AKAP19: variants seen among roughly 807,000 people sequenced by gnomAD.
The protein encoded by AKAP19 is A-kinase anchoring protein 19, also known as small A-kinase anchoring protein.
chr2:190,133,145 G>A, the AKAP19 span, among the ~76,000 whole-genome samples: 1 of 149,160 alleles, frequency 6.7e-6, no homozygotes, highest in Non-Finnish European at 1.5e-5. Context: ...TGCTGAGGCA[G>A]GAGAATAGCG....
the AKAP19 span, among the ~76,000 whole-genome samples, chr2:190,140,372 G>T: frequency 1.2e-4 from 18 of 152,274 alleles, no homozygotes; most frequent in African/African-American, 3.9e-4. Context: ...CAGTGTGGGG[G>T]CTCCCACACC....
At chr2:190,140,871 C>T in the AKAP19 span, among the ~76,000 whole-genome samples, 1 of 152,260 alleles carries the variant, frequency 6.6e-6, no homozygotes, top group African/African-American at 2.4e-5. Flanking sequence ...ATCACATTGT[C>T]AGGCTGCAAA....
At chr2:189,902,317 G>GT in the AKAP19 span, among the ~76,000 whole-genome samples, 9 of 151,280 alleles carry the variant, frequency 5.9e-5, no homozygotes, top group East Asian at 5.8e-4. Context: ...TCTCTTCTTT[G>GT]TTTTTTTGTT....
the AKAP19 span, among the ~76,000 whole-genome samples, chr2:190,139,258 A>T: frequency 6.6e-6 from 1 of 152,188 alleles, no homozygotes; most frequent in Non-Finnish European, 1.5e-5. Context: ...CAGTAGAAGG[A>T]TAAGTAGGAT....
the AKAP19 span, chr2:189,923,872 C>G: frequency 6.2e-7 from 1 of 1,610,828 alleles, no homozygotes; most frequent in Non-Finnish European, 8.5e-7. Flanking sequence ...AAGGAGATGA[C>G]CTTCAGGCCA....
At chr2:189,905,899 T>C in the AKAP19 span, among the ~76,000 whole-genome samples, 1 of 152,052 alleles carries the variant, frequency 6.6e-6, no homozygotes, top group Non-Finnish European at 1.5e-5. Flanking sequence ...TTTAGAATGG[T>C]ACATTTTCCT....
chr2:189,974,105 T>A, the AKAP19 span, among the ~76,000 whole-genome samples: 1 of 152,324 alleles, frequency 6.6e-6, no homozygotes, highest in Admixed American at 6.5e-5. Context: ...CTGCTTTCTC[T>A]TGTGGGCATT....
At chr2:190,047,684 C>T in the AKAP19 span, among the ~76,000 whole-genome samples, 2 of 152,184 alleles carry the variant, frequency 1.3e-5, no homozygotes, top group Non-Finnish European at 2.9e-5. Context: ...TGATATGTTA[C>T]TTCAGAGGGA....
At chr2:190,036,455 A>G in the AKAP19 span, among the ~76,000 whole-genome samples, 1 of 152,218 alleles carries the variant, frequency 6.6e-6, no homozygotes, top group Non-Finnish European at 1.5e-5. Context: ...CCTTCTATGT[A>G]GAGTTAAAAT....
chr2:189,973,244 G>A, the AKAP19 span, among the ~76,000 whole-genome samples: 1 of 152,112 alleles, frequency 6.6e-6, no homozygotes, highest in African/African-American at 2.4e-5. Flanking sequence ...AGATAATCAT[G>A]TGTTTTTTTG....
At chr2:190,089,803 C>G in the AKAP19 span, among the ~76,000 whole-genome samples, 12 of 152,140 alleles carry the variant, frequency 7.9e-5, no homozygotes, top group Non-Finnish European at 1.8e-4. Flanking sequence ...TTGAGTCTTA[C>G]GTCCTAAGTC....
the AKAP19 span, chr2:189,930,492 C>A: frequency 5.5e-5 from 12 of 216,394 alleles, 1 homozygote; most frequent in African/African-American, 2.8e-4. Context: ...TCCTGGCCAA[C>A]ATAGTGAAAC....
the AKAP19 span, chr2:190,181,163 CT>C: frequency 2.0e-6 from 2 of 985,216 alleles, no homozygotes; most frequent in Non-Finnish European, 2.4e-6. Context: ...GTCTGTCGGT[CT>C]TTGCTTGTCA....
At chr2:189,959,943 T>C in the AKAP19 span, among the ~76,000 whole-genome samples, 3 of 152,204 alleles carry the variant, frequency 2.0e-5, no homozygotes, top group Non-Finnish European at 2.9e-5. Flanking sequence ...ATGAAAATAA[T>C]GTAACATTTA....
At chr2:190,019,662 A>T in the AKAP19 span, among the ~76,000 whole-genome samples, 1 of 151,878 alleles carries the variant, frequency 6.6e-6, no homozygotes. Flanking sequence ...TCCCCCATGA[A>T]GTAAGACTCC....
chr2:190,068,676 A>G, the AKAP19 span, among the ~76,000 whole-genome samples: 2 of 152,156 alleles, frequency 1.3e-5, no homozygotes, highest in Non-Finnish European at 2.9e-5. Context: ...AAATGAACAA[A>G]CAACTCCTTA....
chr2:190,200,110 T>TAC, the AKAP19 span: 1 of 1,614,036 alleles, frequency 6.2e-7, no homozygotes, highest in Non-Finnish European at 8.5e-7. Context: ...TAACATCAAG[T>TAC]ACCATGACAT....
chr2:190,173,146 G>T, the AKAP19 span, among the ~76,000 whole-genome samples: 1 of 151,650 alleles, frequency 6.6e-6, no homozygotes, highest in African/African-American at 2.4e-5. Context: ...AAATGAGATG[G>T]CATGTGAAGG....
the AKAP19 span, among the ~76,000 whole-genome samples, chr2:189,892,145 A>G: frequency 6.6e-6 from 1 of 151,626 alleles, no homozygotes; most frequent in Non-Finnish European, 1.5e-5. Context: ...ACCTTTTTTC[A>G]TGGTTCTTAG....
Sources: gnomAD v4.1 joint callset for allele counts (sites outside exome capture counted in the v4.1 genomes callset) on GRCh38, gnomAD v4.1.1 for gene constraint, MANE v1.5 for transcripts, NCBI Gene and HGNC (gene_info 2026-07-23, HGNC 2026-07-21) for gene names.